SH3D19: variants seen among roughly 807,000 people sequenced by gnomAD.
SH3D19 encodes the protein SH3 domain containing 19, also known as SH3 domain-containing protein 19.
Under a neutral mutation model 112.1 loss-of-function variants are expected in SH3D19, and 58 were observed. The observed-to-expected ratio is 0.52, with a 90% CI of 0.42 to 0.64. The LOEUF (loss-of-function observed/expected upper bound fraction) is 0.64. Among genes scored for constraint, SH3D19 ranks in the 30% least tolerant of loss-of-function variants. The pLI, the probability that SH3D19 is intolerant of heterozygous loss-of-function variation, is 0.00. For synonymous variants in SH3D19, 391 were observed against 448.5 expected (o/e 0.87, Z 1.62); for missense variants, 1,090 against 1,263.4 (o/e 0.86, Z 2.08).
At chr4:151,193,400 C>G (rs980049370) in intron 2 of SH3D19, among the ~76,000 whole-genome samples, 2 of 152,052 alleles carry the variant, frequency 1.3e-5, no homozygotes, top group African/African-American at 2.4e-5. Context: ...TTCAACATGG[C>G]ACTTGAAATT....
At chr4:151,152,522 T>A (rs1337393306) in intron 9 of SH3D19, among the ~76,000 whole-genome samples, 1 of 149,580 alleles carries the variant, frequency 6.7e-6, no homozygotes, top group African/African-American at 2.5e-5. Flanking sequence ...CTCTCTTTTT[T>A]TTTTTTTTTT....
At chr4:151,137,336 T>C (rs1271497304) in intron 14 of SH3D19, among the ~76,000 whole-genome samples, 2 of 152,208 alleles carry the variant, frequency 1.3e-5, no homozygotes, top group African/African-American at 2.4e-5. Flanking sequence ...AACCAAAATG[T>C]ACTCCAAAGA....
intron 1 of SH3D19, among the ~76,000 whole-genome samples, chr4:151,302,580 G>A (rs1289856745): frequency 1.3e-5 from 2 of 152,088 alleles, no homozygotes; most frequent in East Asian, 1.9e-4. Flanking sequence ...CAGACCACGT[G>A]GACTTTGTTG....
At chr4:151,202,012 CAAAA>C (rs1197967202) in intron 2 of SH3D19, among the ~76,000 whole-genome samples, 1 of 95,210 alleles carries the variant, frequency 1.1e-5, no homozygotes, top group African/African-American at 4.0e-5. Flanking sequence ...AACTCCATCT[CAAAA>C]AAAAAAAAAA....
chr4:151,316,214 C>G (rs918282617), intron 1 of SH3D19, among the ~76,000 whole-genome samples: 19 of 152,084 alleles, frequency 1.2e-4, no homozygotes, highest in Non-Finnish European at 2.4e-4. Flanking sequence ...AAACATCAGA[C>G]AAATCTCAAC....
intron 1 of SH3D19, among the ~76,000 whole-genome samples, chr4:151,229,035 ATTTT>A (rs34078148): frequency 7.3e-6 from 1 of 136,796 alleles, no homozygotes; most frequent in Non-Finnish European, 1.6e-5. Context: ...AGCTAATTAA[ATTTT>A]TTTTTTTTTT....
intron 3 of SH3D19, among the ~76,000 whole-genome samples, chr4:151,183,464 G>C (rs1761269460): frequency 1.3e-5 from 2 of 152,146 alleles, no homozygotes; most frequent in Non-Finnish European, 2.9e-5. Flanking sequence ...ACTTCACAGA[G>C]GAGAAGACTG....
Position 151,165,682 on chromosome 4 carries a change from G to A in SH3D19, c.1549C>T (p.Pro517Ser). 2 of 1,613,968 alleles carry A rather than the reference G, an allele frequency of 1.2e-6. No homozygotes were observed. Among genetic ancestry groups the A allele is most frequent in the South Asian group, 1.1e-5 (1 of 91,072 alleles). Residue 517 changes from proline (P) to serine (S), a missense_variant, in exon 8 of 20, where the codon CCT (proline) becomes TCT (serine). Coordinates refer to ENST00000604030, the MANE Select transcript of SH3D19 (RefSeq NM_001378122.1). ...SEMVLDPFQL[P>S]AKTEPIKERA... ...TCTTTTATTGGTTCTGTTTTTGCAG[G>A]GAGCTGAAAGGGATCTAATGAAAAA...
In SH3D19 at chr4:151,268,704, T is replaced by C. The variant is rs1452742595; in HGVS notation, c.113-42618A>G. Reference sequence around the variant, plus strand: ...GAATATGCGGTGTTTGGTTTTTTGTTCTTGCGATAGTTTACTGAGAATGAT... The same window carrying C: ...GAATATGCGGTGTTTGGTTTTTTGTCCTTGCGATAGTTTACTGAGAATGAT... On this transcript the variant is annotated intron_variant, in intron 1 of 19. Transcript: ENST00000604030. Among the ~76,000 whole-genome samples, 7 of 142,244 alleles carry C rather than the reference T, an allele frequency of 4.9e-5. No individual in the cohort carries two copies. In the Middle Eastern group the frequency reaches 0.01, roughly 213 times the overall value. 93.3% of individuals were successfully genotyped at this position (142,244 alleles called of 152,430 possible).
intron 1 of SH3D19, among the ~76,000 whole-genome samples, chr4:151,319,634 G>A (rs1730342809): frequency 6.6e-6 from 1 of 152,114 alleles, no homozygotes; most frequent in African/African-American, 2.4e-5. Flanking sequence ...AGGTGACTGA[G>A]GTTCAGCTAT....
In SH3D19 at chr4:151,175,275, C is replaced by G. The variant is rs1759768672; in HGVS notation, c.929G>C (p.Gly310Ala). ...FEGQTNIETS[G>A]LPKKPEITPR... ...AGTAATTTCTGGTTTCTTGGGCAGT[C>G]CTGAGGTTTCTATGTTTGTCTGACC... The change falls in exon 7 of 20, where the codon GGA becomes GCA. Residue 310 changes from glycine (G) to alanine (A), a missense_variant. Coordinates refer to ENST00000604030, the MANE Select transcript of SH3D19 (RefSeq NM_001378122.1). The G allele has an allele frequency of 3.7e-6, 6 of 1,614,128 alleles. No individual in the cohort carries two copies. The highest frequency in any genetic ancestry group is 4.2e-6 in the Non-Finnish European group (5 of 1,180,020).
At chr4:151,232,801 T>C (rs1580287434) in intron 1 of SH3D19, among the ~76,000 whole-genome samples, 2 of 152,230 alleles carry the variant, frequency 1.3e-5, no homozygotes, top group African/African-American at 4.8e-5. Context: ...CTTGTATTCA[T>C]TTCTTACTGC....
At chr4:151,127,003 G>A (rs1442662135) in intron 19 of SH3D19, among the ~76,000 whole-genome samples, 1 of 150,856 alleles carries the variant, frequency 6.6e-6, no homozygotes, top group Non-Finnish European at 1.5e-5. Context: ...TCCACCTCCC[G>A]GGTTCATGCC....
chr4:151,226,492 G>C (rs1049414661), intron 1 of SH3D19: 96 of 987,786 alleles, frequency 9.7e-5, no homozygotes, highest in Admixed American at 1.2e-4. Context: ...TAACAGAATG[G>C]GGAGGGGGAA....
At chr4:151,284,342 ACATTTT>A (rs1383615222) in intron 1 of SH3D19, among the ~76,000 whole-genome samples, 5 of 152,124 alleles carry the variant, frequency 3.3e-5, no homozygotes, top group African/African-American at 1.2e-4. Context: ...GCTGTCATTT[ACATTTT>A]AAGTCCATCT....
intron 14 of SH3D19, among the ~76,000 whole-genome samples, chr4:151,136,661 G>A (rs1404504230): frequency 6.6e-6 from 1 of 152,138 alleles, no homozygotes. Context: ...CAATAATGTG[G>A]CAGATTCTGT....
At chr4:151,219,614 C>T (rs944838695) in intron 2 of SH3D19, among the ~76,000 whole-genome samples, 9 of 152,158 alleles carry the variant, frequency 5.9e-5, no homozygotes, top group African/African-American at 2.2e-4. Context: ...GGTGAAGAAT[C>T]TTTTCATATA....
At chr4:151,298,524 C>G (rs1233717575) in intron 1 of SH3D19, among the ~76,000 whole-genome samples, 1 of 152,094 alleles carries the variant, frequency 6.6e-6, no homozygotes, top group Non-Finnish European at 1.5e-5. Flanking sequence ...TTTGTTATAA[C>G]AGCAATAGGA....
chr4:151,222,158 A>C (rs1442785194), intron 2 of SH3D19, among the ~76,000 whole-genome samples: 1 of 152,206 alleles, frequency 6.6e-6, no homozygotes, highest in African/African-American at 2.4e-5. Flanking sequence ...CATTTTGTGC[A>C]GAAATATATC....
Sources: allele counts gnomAD v4.1 joint callset (sites outside exome capture counted in the v4.1 genomes callset), GRCh38; gene constraint gnomAD v4.1.1; transcripts MANE v1.5; gene names NCBI Gene and HGNC (gene_info 2026-07-23, HGNC 2026-07-21).